The following SCN1A variants were observed in gnomAD, a reference collection of about 807,000 sequenced individuals.
The protein encoded by SCN1A is sodium voltage-gated channel alpha subunit 1.
SCN1A carries 13 observed loss-of-function variants against 193.7 expected under a neutral mutation model. The observed-to-expected ratio is 0.07, with a 90% CI of 0.04 to 0.11. The LOEUF is 0.11. Among genes scored for constraint, SCN1A ranks in the 10% least tolerant of loss-of-function variants. The pLI, the probability that SCN1A is intolerant of heterozygous loss-of-function variation, is 1.00. For missense variants in SCN1A, 1,432 were observed against 2,451.1 expected (o/e 0.58, Z 8.78); for synonymous variants, 781 against 843.6 (o/e 0.93, Z 1.29).
chr2:166,053,769 A>T (rs879366402), intron 7 of SCN1A, among the ~76,000 whole-genome samples: 5 of 152,030 alleles, frequency 3.3e-5, no homozygotes, highest in South Asian at 2.1e-4. Flanking sequence ...GAGGCCAAAA[A>T]ATCAGCTCCT....
chr2:166,052,652 C>A (rs1386942885), intron 8 of SCN1A, among the ~76,000 whole-genome samples, 200 bp downstream of exon 8: 1 of 151,174 alleles, frequency 6.6e-6, no homozygotes, highest in African/African-American at 2.4e-5. Context: ...GTGCAGGTCA[C>A]CTTGACCTCA....
At chr2:166,126,787 T>C (rs2106274065) in intron 2 of SCN1A, 137 bp downstream of exon 2, 1 of 152,338 alleles carries the variant, frequency 6.6e-6, no homozygotes, top group Middle Eastern at 3.4e-3. Context: ...CTTGACTTAA[T>C]TGTTGCATTG....
intron 18 of SCN1A, 70 bp downstream of exon 18, chr2:166,037,706 G>C: frequency 7.5e-7 from 1 of 1,334,650 alleles, no homozygotes. Context: ...CAATGTGCAG[G>C]TTAGTTACAT....
At chr2:166,128,558 A>G (rs1691488517), upstream of SCN1A, among the ~76,000 whole-genome samples, 1 of 152,162 alleles carries the variant, frequency 6.6e-6, no homozygotes, top group Non-Finnish European at 1.5e-5. Context: ...GTTTTACTTC[A>G]ACACTGATGA....
At chr2:166,030,107 T>TA (rs1391276967) in intron 19 of SCN1A, among the ~76,000 whole-genome samples, 2 of 152,182 alleles carry the variant, frequency 1.3e-5, no homozygotes, top group Non-Finnish European at 2.9e-5. Context: ...TAGTATTATT[T>TA]ATTTCAGAAC....
chr2:166,052,088 A>G (rs1371711532), intron 8 of SCN1A, 100 bp from the exon 9 acceptor site: 1 of 1,185,356 alleles, frequency 8.4e-7, no homozygotes, highest in Non-Finnish European at 1.2e-6. Flanking sequence ...TCATAAATCC[A>G]AGAATGTTTG....
chr2:166,111,492 A>G (rs141295073), intron 2 of SCN1A, among the ~76,000 whole-genome samples: 3 of 152,256 alleles, frequency 2.0e-5, no homozygotes, highest in African/African-American at 7.2e-5. Flanking sequence ...CAATGTTGCA[A>G]AGAGCTCTGA....
intron 2 of SCN1A, among the ~76,000 whole-genome samples, chr2:166,083,836 G>A (rs1226310608): frequency 6.6e-6 from 1 of 152,164 alleles, no homozygotes; most frequent in Admixed American, 6.5e-5. Context: ...AGTAATGACT[G>A]TCATTGTAAG....
intron 23 of SCN1A, chr2:166,009,387 T>C (rs1270444414): frequency 5.7e-6 from 1 of 174,476 alleles, no homozygotes; most frequent in Non-Finnish European, 1.2e-5. Context: ...ATATAGAATT[T>C]ACTTTAGATT....
chr2:166,006,424 T>C (rs186388708), intron 23 of SCN1A, among the ~76,000 whole-genome samples: 76 of 151,522 alleles, frequency 5.0e-4, no homozygotes, highest in Admixed American at 1.9e-3. Context: ...TTTATGTATG[T>C]TTTCACTGTG....
intron 19 of SCN1A, among the ~76,000 whole-genome samples, chr2:166,034,465 A>T (rs192553975): frequency 1.0e-3 from 154 of 152,340 alleles, no homozygotes; most frequent in African/African-American, 3.1e-3. Flanking sequence ...TATCTCTAAT[A>T]AAATGTCTTT....
At chr2:166,114,216 A>G (rs918138711) in intron 2 of SCN1A, among the ~76,000 whole-genome samples, 1 of 152,176 alleles carries the variant, frequency 6.6e-6, no homozygotes, top group Non-Finnish European at 1.5e-5. Flanking sequence ...TAGTTAAACA[A>G]TGCAATGATT....
At chr2:166,003,167 C>G (rs1691174455) in intron 23 of SCN1A, among the ~76,000 whole-genome samples, 1 of 151,256 alleles carries the variant, frequency 6.6e-6, no homozygotes. Flanking sequence ...ACATTTGGAC[C>G]TGAGTTGATT....
chr2:166,140,620 A>G (rs1692041165), intron 1 of SCN1A, among the ~76,000 whole-genome samples: 1 of 152,250 alleles, frequency 6.6e-6, no homozygotes, highest in Admixed American at 6.5e-5. Context: ...GCATGCCTCA[A>G]TCTGGCAAAG....
At chr2:166,010,739 A>C (rs189478202) in intron 22 of SCN1A, among the ~76,000 whole-genome samples, 328 of 151,202 alleles carry the variant, frequency 2.2e-3, no homozygotes, top group African/African-American at 7.6e-3. Flanking sequence ...TATCATATTT[A>C]ATATACTTCT....
At chr2:166,106,173 C>T (rs1383572711) in intron 2 of SCN1A, among the ~76,000 whole-genome samples, 1 of 152,062 alleles carries the variant, frequency 6.6e-6, no homozygotes, top group East Asian at 1.9e-4. Flanking sequence ...GGCGATAGAG[C>T]GAGACTCCGT....
chr2:165,994,085 C>G, intron 28 of SCN1A, 61 bp downstream of exon 28: 1 of 1,287,716 alleles, frequency 7.8e-7, no homozygotes, highest in South Asian at 1.3e-5. Flanking sequence ...TGAATCTAAT[C>G]TTGATTGTTT....
chr2:166,049,150 A>T (rs976163879), intron 9 of SCN1A, among the ~76,000 whole-genome samples: 1 of 88,034 alleles, frequency 1.1e-5, no homozygotes, highest in Admixed American at 1.1e-4. Context: ...GTATTTCTTC[A>T]TTATGAAGAA....
chr2:166,002,807 A>G (rs1168364307), intron 23 of SCN1A, 54 bp from the exon 24 acceptor site: 2 of 1,470,462 alleles, frequency 1.4e-6, no homozygotes, highest in African/African-American at 1.4e-5. Context: ...GTTAATAAAG[A>G]AAAAAAATTC....
Sources: allele counts gnomAD v4.1 joint callset (sites outside exome capture counted in the v4.1 genomes callset), GRCh38; gene constraint gnomAD v4.1.1; transcripts MANE v1.5; gene names NCBI Gene and HGNC (gene_info 2026-07-23, HGNC 2026-07-21).